The following RGS12 variants were observed in gnomAD, a reference collection of about 807,000 sequenced individuals.
RGS12 encodes regulator of G protein signaling 12.
Under a neutral mutation model 120.1 loss-of-function variants are expected in RGS12, and 66 were observed. The ratio of observed to expected loss-of-function variants is 0.55; its 90% CI spans 0.45 to 0.67. The LOEUF is 0.67. Among genes scored for constraint, RGS12 ranks in the 30% least tolerant of loss-of-function variants. The pLI is 0.00. For missense variants in RGS12, 1,859 were observed against 1,957.7 expected (o/e 0.95, Z 0.95); for synonymous variants, 827 against 804.7 (o/e 1.03, Z -0.47).
chr4:3,361,549 G>A (rs934745823), intron 3 of RGS12, among the ~76,000 whole-genome samples: 1 of 152,184 alleles, frequency 6.6e-6, no homozygotes, highest in East Asian at 1.9e-4. Flanking sequence ...CAGAAATGGC[G>A]AGGGGCAGGC....
At chr4:3,382,647 T>G (rs1718384660) in intron 3 of RGS12, among the ~76,000 whole-genome samples, 2 of 151,686 alleles carry the variant, frequency 1.3e-5, no homozygotes, top group Non-Finnish European at 2.9e-5. Flanking sequence ...TCTGCTGCTC[T>G]CTCTCTCTCC....
At chr4:3,364,930 G>A (rs1716142656) in intron 3 of RGS12, among the ~76,000 whole-genome samples, 1 of 152,034 alleles carries the variant, frequency 6.6e-6, no homozygotes, top group African/African-American at 2.4e-5. Flanking sequence ...GCTGGGCAGG[G>A]TGCGGGACCC....
chr4:3,354,160 C>T (rs939028969), intron 3 of RGS12, among the ~76,000 whole-genome samples: 1 of 152,074 alleles, frequency 6.6e-6, no homozygotes, highest in Non-Finnish European at 1.5e-5. Flanking sequence ...TAAGCAATAC[C>T]CTTGCTGGCT....
At chr4:3,384,575 G>A (rs1228596311) in intron 3 of RGS12, among the ~76,000 whole-genome samples, 1 of 152,250 alleles carries the variant, frequency 6.6e-6, no homozygotes, top group Non-Finnish European at 1.5e-5. Flanking sequence ...CAGAGCCTCT[G>A]ATAAAAACCA....
chr4:3,359,585 G>C (rs1210259619), intron 3 of RGS12, among the ~76,000 whole-genome samples: 1 of 145,822 alleles, frequency 6.9e-6, no homozygotes, highest in Non-Finnish European at 1.5e-5. Flanking sequence ...TTGCTTACTA[G>C]TTATAGGTCT....
At chr4:3,291,302 CCA>C (rs1723006964), upstream of RGS12, among the ~76,000 whole-genome samples, 1 of 151,764 alleles carries the variant, frequency 6.6e-6, no homozygotes, top group South Asian at 2.1e-4. Context: ...CCAAGAAGGT[CCA>C]CAGTTTTGGG....
At chr4:3,362,206 G>A (rs1489255563) in intron 3 of RGS12, among the ~76,000 whole-genome samples, 1 of 152,106 alleles carries the variant, frequency 6.6e-6, no homozygotes, top group Non-Finnish European at 1.5e-5. Context: ...GGGACATGGG[G>A]TGTGGGTGGG....
intron 3 of RGS12, among the ~76,000 whole-genome samples, chr4:3,358,927 CT>C (rs1453152739): frequency 2.0e-5 from 2 of 98,272 alleles, no homozygotes; most frequent in Non-Finnish European, 4.2e-5. Context: ...CTGTCCCCCC[CT>C]CCTCCTCCCC....
At chr4:3,294,437 A>G (rs991125076) in intron 1 of RGS12, among the ~76,000 whole-genome samples, 1 of 151,876 alleles carries the variant, frequency 6.6e-6, no homozygotes, top group Non-Finnish European at 1.5e-5. Flanking sequence ...GAACCAGTTT[A>G]TATTTCACTT....
At chr4:3,339,841 G>A (rs538481202) in intron 2 of RGS12, among the ~76,000 whole-genome samples, 62 of 152,190 alleles carry the variant, frequency 4.1e-4, no homozygotes, top group African/African-American at 9.4e-4. Context: ...TTTGTTTTTC[G>A]CAGGCACACT....
In RGS12 at chr4:3,430,702, G is replaced by A. The variant is rs753087581; in HGVS notation, c.3861G>A (p.Thr1287=). The change falls in exon 17 of 18, where the codon ACG becomes ACA. Residue 1287 remains threonine (T), a synonymous_variant. Transcript: ENST00000336727. ...SASSPPGPPG[T]TPPGQKSPSG... is the part of the protein sequence containing the mutation. Reference sequence around the variant, plus strand: ...CCAGCCCCCCTGGACCTCCTGGGACGACCCCCCCCGGGCAGAAGTCTCCCA... The same window carrying A: ...CCAGCCCCCCTGGACCTCCTGGGACAACCCCCCCCGGGCAGAAGTCTCCCA... The A allele has an allele frequency of 1.4e-4, 223 of 1,575,272 alleles. No homozygotes were observed. Among genetic ancestry groups the A allele is most frequent in the Non-Finnish European group, 1.5e-4 (172 of 1,160,626 alleles).
At chr4:3,311,575 T>C (rs1017654280) in intron 1 of RGS12, among the ~76,000 whole-genome samples, 2 of 152,340 alleles carry the variant, frequency 1.3e-5, no homozygotes, top group South Asian at 4.1e-4. Flanking sequence ...GACACCGATG[T>C]GGCACCTCAG....
intron 1 of RGS12, among the ~76,000 whole-genome samples, chr4:3,313,737 C>T (rs1724560606): frequency 6.6e-6 from 1 of 152,196 alleles, no homozygotes; most frequent in African/African-American, 2.4e-5. Context: ...CCTTGAATCC[C>T]TGCAGTCTCC....
At chr4:3,308,088 G>A (rs1016735714) in intron 1 of RGS12, among the ~76,000 whole-genome samples, 83 of 152,236 alleles carry the variant, frequency 5.5e-4, no homozygotes, top group Non-Finnish European at 2.1e-4. Context: ...TCAGGTGTGC[G>A]GGCAGCTCTG....
At chr4:3,398,680 T>A (rs1720279615) in intron 4 of RGS12, among the ~76,000 whole-genome samples, 1 of 151,258 alleles carries the variant, frequency 6.6e-6, no homozygotes, top group Non-Finnish European at 1.5e-5. Context: ...TCAACATGGG[T>A]AAGTACTCCG....
intron 4 of RGS12, among the ~76,000 whole-genome samples, chr4:3,397,514 C>T (rs150473676): frequency 2.7e-3 from 414 of 152,298 alleles, no homozygotes; most frequent in African/African-American, 9.7e-3. Flanking sequence ...ATGGGAGGAG[C>T]AGTGGAACGA....
chr4:3,338,623 C>A (rs1426083483), intron 2 of RGS12, among the ~76,000 whole-genome samples: 1 of 151,810 alleles, frequency 6.6e-6, no homozygotes, highest in Non-Finnish European at 1.5e-5. Context: ...GCCTGGGGGC[C>A]AGGGTGACCG....
chr4:3,336,184 GC>G (rs371219628), intron 2 of RGS12, among the ~76,000 whole-genome samples: 15 of 152,334 alleles, frequency 9.8e-5, no homozygotes, highest in African/African-American at 9.6e-5. Context: ...AGCTCCACCG[GC>G]TGTTTTCCTG....
intron 1 of RGS12, among the ~76,000 whole-genome samples, chr4:3,297,819 C>T (rs74972913): frequency 1.3e-5 from 2 of 152,152 alleles, no homozygotes; most frequent in African/African-American, 2.4e-5. Context: ...GCTCCCTGTG[C>T]ACTGGGTCCT....
Sources: gnomAD v4.1 joint callset for allele counts (sites outside exome capture counted in the v4.1 genomes callset) on GRCh38, gnomAD v4.1.1 for gene constraint, MANE v1.5 for transcripts, NCBI Gene and HGNC (gene_info 2026-07-23, HGNC 2026-07-21) for gene names.